Variants in RHBDL2 observed in about 807,000 individuals in gnomAD.
The protein encoded by RHBDL2 is rhomboid-related protein 2.
RHBDL2 carries 26 observed loss-of-function variants against 31.7 expected under a neutral mutation model. The observed-to-expected ratio is 0.82, with a 90% CI of 0.60 to 1.14. The LOEUF is 1.14. Among genes scored for constraint, RHBDL2 ranks in the 50% most tolerant of loss-of-function variants. The pLI is 0.00. For synonymous variants in RHBDL2, 123 were observed against 127.2 expected, an observed-to-expected ratio of 0.97 and a Z score of 0.22; for missense variants, 336 against 364.4, an observed-to-expected ratio of 0.92 and a Z score of 0.63.
At chr1:38,919,759 A>G (rs544171189) in intron 1 of RHBDL2, among the ~76,000 whole-genome samples, 2 of 152,160 alleles carry the variant, frequency 1.3e-5, no homozygotes, top group East Asian at 3.9e-4. Flanking sequence ...TTTTTAGTAG[A>G]GACAGGGTTT....
chr1:38,918,847 C>T (rs1446021636), intron 2 of RHBDL2, 120 bp downstream of exon 2: 2 of 1,243,174 alleles, frequency 1.6e-6, no homozygotes, highest in Non-Finnish European at 2.3e-6. Context: ...GTGCTGTCCC[C>T]ATCCCCACGA....
chr1:38,940,392 AG>A (rs1643548722), intron 1 of RHBDL2, among the ~76,000 whole-genome samples: 1 of 151,950 alleles, frequency 6.6e-6, no homozygotes, highest in South Asian at 2.1e-4. Flanking sequence ...TATTTTTTAA[AG>A]ACAAGGCCTC....
intron 3 of RHBDL2, among the ~76,000 whole-genome samples, chr1:38,914,977 C>T (rs1003733624): frequency 4.8e-5 from 7 of 146,182 alleles, no homozygotes; most frequent in Middle Eastern, 3.6e-3. Context: ...TGCAGTGAGC[C>T]GAGATCACAC....
At chr1:38,920,116 T>C (rs1438566157) in intron 1 of RHBDL2, among the ~76,000 whole-genome samples, 1 of 151,970 alleles carries the variant, frequency 6.6e-6, no homozygotes, top group Non-Finnish European at 1.5e-5. Context: ...ACAATACATA[T>C]GTACCATCCA....
chr1:38,913,278 C>T (rs1260490957), intron 3 of RHBDL2, among the ~76,000 whole-genome samples: 1 of 151,968 alleles, frequency 6.6e-6, no homozygotes, highest in Non-Finnish European at 1.5e-5. Flanking sequence ...TGCACCCAGC[C>T]TACTATATAC....
At chr1:38,888,613 A>T (rs1033102349) in intron 6 of RHBDL2, among the ~76,000 whole-genome samples, 1 of 152,182 alleles carries the variant, frequency 6.6e-6, no homozygotes, top group Non-Finnish European at 1.5e-5. Context: ...CCTAAGCAGG[A>T]ATGTGCCTGG....
chr1:38,893,126 C>T (rs527392651), intron 6 of RHBDL2, 38 bp downstream of exon 6: 5 of 1,210,930 alleles, frequency 4.1e-6, no homozygotes, highest in East Asian at 2.3e-5. Flanking sequence ...ATTTTATTTT[C>T]ACTTGGACAG....
In RHBDL2 at chr1:38,886,489, T is replaced by G. The variant is rs767836004; in HGVS notation, c.*15A>C. 1.3e-6 allele frequency: 2 copies of G among 1,501,678 alleles called. No individual in the cohort carries two copies. Among genetic ancestry groups the G allele is most frequent in the Non-Finnish European group, 1.8e-6 (2 of 1,117,834 alleles). The allele number at this position is 1,501,678 out of a possible 1,614,324, so 93.0% of individuals were successfully genotyped here. A position where few individuals can be genotyped will look rare whatever the true frequency, so the allele number is the denominator to read the frequency against. Reference sequence around the variant, plus strand: ...AGATGGCTCTTTTTATTAATTGACTTACAATAGGGGCAGGTCAGTTTGCTG... The same window carrying G: ...AGATGGCTCTTTTTATTAATTGACTGACAATAGGGGCAGGTCAGTTTGCTG... On this transcript the variant is annotated 3_prime_UTR_variant, in exon 8 of 8. Transcript: ENST00000372990.
intron 2 of RHBDL2, among the ~76,000 whole-genome samples, chr1:38,916,232 T>C (rs1187221019): frequency 6.6e-6 from 1 of 152,176 alleles, no homozygotes; most frequent in Non-Finnish European, 1.5e-5. Context: ...GGCTATGTGA[T>C]GGGAAGGGCC....
intron 2 of RHBDL2, 144 bp from the exon 3 acceptor site, chr1:38,915,854 T>G: frequency 1.4e-6 from 1 of 699,434 alleles, no homozygotes; most frequent in Non-Finnish European, 2.4e-6. Context: ...GAAATACACT[T>G]CTTCACCATC....
At chr1:38,901,377 G>A (rs966774236) in intron 4 of RHBDL2, among the ~76,000 whole-genome samples, 11 of 150,098 alleles carry the variant, frequency 7.3e-5, no homozygotes, top group African/African-American at 2.5e-4. Context: ...CAGGAGAATT[G>A]CTTGAACCCA....
intron 7 of RHBDL2, 126 bp from the exon 8 acceptor site, chr1:38,886,809 A>G: frequency 3.0e-6 from 2 of 670,924 alleles, no homozygotes; most frequent in Non-Finnish European, 4.5e-6. Context: ...GGTCTAGAGA[A>G]CTAGGGGTAA....
At chr1:38,932,523 G>A (rs12037531) in intron 1 of RHBDL2, among the ~76,000 whole-genome samples, 1 of 152,148 alleles carries the variant, frequency 6.6e-6, no homozygotes, top group African/African-American at 2.4e-5. Flanking sequence ...GCAGTGGTAC[G>A]AACTCAGCTC....
intron 1 of RHBDL2, among the ~76,000 whole-genome samples, chr1:38,939,151 T>C (rs187765457): frequency 6.6e-6 from 1 of 151,962 alleles, no homozygotes; most frequent in East Asian, 1.9e-4. Context: ...AGGGAAGGAG[T>C]CTGGATGCAG....
At position 38,900,442 on chromosome 1, in the gene RHBDL2, G is replaced by A. The variant is rs376247931; in HGVS notation, c.509-4373C>T. 2.1e-3 allele frequency among the ~76,000 whole-genome samples: 319 copies of A among 151,876 alleles called. 2 individuals carry two copies. The highest frequency in any genetic ancestry group is 7.0e-3 in the African/African-American group (291 of 41,404). ...TTGAGACCAGCCTGGCCAACATGGC[G>A]AAACCCCATCTCCACTAAAAACACA... On this transcript the variant is annotated intron_variant, in intron 4 of 7. Transcript: ENST00000372990.
intron 3 of RHBDL2, 34 bp downstream of exon 3, chr1:38,915,528 C>T (rs1557617175): frequency 6.2e-7 from 1 of 1,609,616 alleles, no homozygotes; most frequent in South Asian, 1.1e-5. Flanking sequence ...ATATAATCAC[C>T]TCTGATACCA....
chr1:38,906,679 A>T (rs189261389), intron 4 of RHBDL2, among the ~76,000 whole-genome samples: 33 of 152,184 alleles, frequency 2.2e-4, no homozygotes, highest in African/African-American at 7.2e-4. Flanking sequence ...ATCTCAAAAA[A>T]AAAAAAGAAT....
intron 6 of RHBDL2, among the ~76,000 whole-genome samples, chr1:38,891,202 A>C (rs1642849398): frequency 6.8e-6 from 1 of 146,248 alleles, no homozygotes; most frequent in Non-Finnish European, 1.5e-5. Context: ...CGGAGGTTGC[A>C]GTAAGCCAAG....
intron 4 of RHBDL2, among the ~76,000 whole-genome samples, chr1:38,897,392 G>A (rs1351489072): frequency 2.0e-5 from 3 of 152,074 alleles, no homozygotes; most frequent in Non-Finnish European, 4.4e-5. Context: ...GAGCCATTGC[G>A]CCCGGCCTAA....
Sources: gnomAD v4.1 joint callset for allele counts (sites outside exome capture counted in the v4.1 genomes callset) on GRCh38, gnomAD v4.1.1 for gene constraint, MANE v1.5 for transcripts, NCBI Gene and HGNC (gene_info 2026-07-23, HGNC 2026-07-21) for gene names.